MYO3A: variants seen among roughly 807,000 people sequenced by gnomAD.
MYO3A encodes myosin-IIIa.
A neutral mutation model predicts 192.7 loss-of-function variants in MYO3A; 180 were observed. That is an observed-to-expected ratio of 0.93 (90% CI 0.83 to 1.06). The LOEUF (loss-of-function observed/expected upper bound fraction) is 1.06. MYO3A is among the 50% of genes least tolerant of loss of function. MYO3A has a pLI of 0.00. For synonymous variants in MYO3A, 628 were observed against 645.3 expected (o/e 0.97, Z 0.41); for missense variants, 1,896 against 1,905.0 (o/e 1.00, Z 0.09).
rs761004980 is a variant in MYO3A at position 26,147,542 on chromosome 10, A to C, written c.2618A>C (p.His873Pro). The C allele has an allele frequency of 1.2e-6, 2 of 1,613,926 alleles. No homozygotes were observed. The highest frequency in any genetic ancestry group is 1.7e-6 in the Non-Finnish European group (2 of 1,179,930). ...AGTGTAATTAGGCAACTAGTCAACC[A>C]CCCTCTGACCAAAACAGGTAAGACA... ...DNSVIRQLVN[H>P]PLTKTGNLPH... The change falls in exon 23 of 35, where the codon CAC (histidine) becomes CCC (proline). Residue 873 changes from histidine (H) to proline (P), a missense_variant. By Grantham distance (77) the His-to-Pro change is moderately conservative (BLOSUM62 -2). Transcript: ENST00000642920.
intron 17 of MYO3A, among the ~76,000 whole-genome samples, chr10:26,106,890 G>A (rs928628017): frequency 9.9e-5 from 15 of 151,268 alleles, no homozygotes; most frequent in African/African-American, 1.9e-4. Flanking sequence ...ATTTTATTTC[G>A]AATTTTTGCA....
chr10:26,156,310 A>G (rs759352037), intron 25 of MYO3A, among the ~76,000 whole-genome samples: 7 of 152,102 alleles, frequency 4.6e-5, no homozygotes, highest in Non-Finnish European at 1.0e-4. Flanking sequence ...AGGCTCTTAC[A>G]TTTCCAACAC....
chr10:26,083,057 C>G (rs1170410054), intron 14 of MYO3A, among the ~76,000 whole-genome samples: 2 of 151,972 alleles, frequency 1.3e-5, no homozygotes, highest in African/African-American at 2.4e-5. Flanking sequence ...TTTTTTTCTT[C>G]CCTTATGAAG....
intron 6 of MYO3A, among the ~76,000 whole-genome samples, chr10:26,014,132 C>T (rs920454555): frequency 4.6e-5 from 7 of 151,854 alleles, no homozygotes; most frequent in East Asian, 3.9e-4. Flanking sequence ...AGAGAGTGAG[C>T]GGGAGTGGGG....
intron 26 of MYO3A, among the ~76,000 whole-genome samples, chr10:26,161,059 G>A (rs754007444): frequency 1.5e-4 from 23 of 152,108 alleles, no homozygotes; most frequent in Non-Finnish European, 2.9e-4. Flanking sequence ...AAAGAGAAGG[G>A]GATAAAACTA....
intron 14 of MYO3A, among the ~76,000 whole-genome samples, chr10:26,086,831 C>T (rs1236637350): frequency 2.0e-5 from 3 of 152,086 alleles, no homozygotes; most frequent in Admixed American, 1.3e-4. Context: ...TGAATTTTCT[C>T]ACGGGTCTTT....
Position 26,023,977 on chromosome 10 carries a change from G to T in MYO3A, c.732-45G>T. ...CTGGCTCTGCCTCTCATTTTACACTGACTGACCAATATACAGAATCCAACA... is the reference window on the plus strand; with the variant it reads ...CTGGCTCTGCCTCTCATTTTACACTTACTGACCAATATACAGAATCCAACA... On this transcript the variant is annotated intron_variant, in intron 8 of 34. Transcript: ENST00000642920. The T allele has an allele frequency of 1.9e-6, 3 of 1,547,912 alleles. No individual in the cohort carries two copies. In the South Asian group the frequency reaches 3.4e-5, roughly 17 times the overall value.
At chr10:25,956,734 C>CT (rs1837568912) in intron 4 of MYO3A, among the ~76,000 whole-genome samples, 1 of 151,584 alleles carries the variant, frequency 6.6e-6, no homozygotes, top group Non-Finnish European at 1.5e-5. Flanking sequence ...ATGTTTTTTT[C>CT]TTTTTTTCCT....
At chr10:26,089,093 T>C (rs1172830005) in intron 15 of MYO3A, among the ~76,000 whole-genome samples, 1 of 152,214 alleles carries the variant, frequency 6.6e-6, no homozygotes, top group Non-Finnish European at 1.5e-5. Context: ...ATTTTTCTTA[T>C]GTTGGTTTTA....
chr10:26,117,844 T>C (rs375929338), intron 17 of MYO3A, among the ~76,000 whole-genome samples: 2 of 152,184 alleles, frequency 1.3e-5, no homozygotes, highest in East Asian at 3.9e-4. Context: ...TTATATTCTT[T>C]TGGGTATATA....
At chr10:26,188,982 G>A (rs1473963601) in intron 31 of MYO3A, among the ~76,000 whole-genome samples, 1 of 152,136 alleles carries the variant, frequency 6.6e-6, no homozygotes, top group Admixed American at 6.5e-5. Flanking sequence ...CTCTTTTTTG[G>A]TTCCATATGA....
chr10:26,018,148 A>G (rs1164640613), intron 7 of MYO3A, among the ~76,000 whole-genome samples: 1 of 151,944 alleles, frequency 6.6e-6, no homozygotes, highest in Non-Finnish European at 1.5e-5. Context: ...AATTTTTCTG[A>G]TGTCAGTTTT....
intron 28 of MYO3A, among the ~76,000 whole-genome samples, chr10:26,170,069 G>A (rs1171941992): frequency 1.3e-5 from 2 of 152,162 alleles, no homozygotes; most frequent in Admixed American, 6.5e-5. Context: ...CATCTGAAAT[G>A]TATCTGGCCA....
chr10:26,211,226 A>T (rs1844205793), intron 34 of MYO3A, among the ~76,000 whole-genome samples: 1 of 152,198 alleles, frequency 6.6e-6, no homozygotes, highest in Non-Finnish European at 1.5e-5. Flanking sequence ...TTTTTAGGGA[A>T]TACCCCACTT....
At chr10:25,971,213 T>C (rs1838620423) in intron 4 of MYO3A, among the ~76,000 whole-genome samples, 1 of 152,148 alleles carries the variant, frequency 6.6e-6, no homozygotes, top group African/African-American at 2.4e-5. Context: ...TCCTGTGAAT[T>C]TGAGTTCCTG....
At chr10:26,154,065 A>G in intron 24 of MYO3A, 136 bp downstream of exon 24, 1 of 694,990 alleles carries the variant, frequency 1.4e-6, no homozygotes, top group Non-Finnish European at 2.6e-6. Flanking sequence ...GTTTGAACAG[A>G]TATTTATGTT....
At position 25,989,586 on chromosome 10, in the gene MYO3A, T is replaced by A. The variant is rs1288550555; in HGVS notation, c.304-6904T>A. On this transcript the variant is annotated intron_variant, in intron 4 of 34. Transcript: ENST00000642920. ...TAACATGAAGATGATACTACCTACT[T>A]CAGACAGTGGTGAGGTTTAGAGATA... 2.0e-5 allele frequency among the ~76,000 whole-genome samples: 3 copies of A among 152,142 alleles called. No homozygotes were observed. In the East Asian group the frequency reaches 5.8e-4, roughly 29 times the overall value.
chr10:26,087,105 A>G (rs771376909), intron 14 of MYO3A, among the ~76,000 whole-genome samples: 5 of 152,182 alleles, frequency 3.3e-5, no homozygotes, highest in Admixed American at 6.5e-5. Context: ...TACCTTTGAA[A>G]TATGCAGTCT....
chr10:26,185,270 C>T (rs1459427394), intron 31 of MYO3A, among the ~76,000 whole-genome samples: 1 of 148,662 alleles, frequency 6.7e-6, no homozygotes, highest in Non-Finnish European at 1.5e-5. Flanking sequence ...CTCCATGATA[C>T]ACTAACATGC....
Sources: allele counts gnomAD v4.1 joint callset (sites outside exome capture counted in the v4.1 genomes callset), GRCh38; gene constraint gnomAD v4.1.1; transcripts MANE v1.5; gene names NCBI Gene and HGNC (gene_info 2026-07-23, HGNC 2026-07-21).